The following SLC12A3 variants were observed in gnomAD, a reference collection of about 807,000 sequenced individuals.
SLC12A3 encodes the protein Na-Cl cotransporter.
SLC12A3 carries 104 observed loss-of-function variants against 121.0 expected under a neutral mutation model. The observed-to-expected ratio is 0.86, with a 90% CI of 0.73 to 1.01. The LOEUF (loss-of-function observed/expected upper bound fraction) is 1.01, where lower values mean the gene tolerates loss of function less well. Among genes scored for constraint, SLC12A3 ranks in the 50% least tolerant of loss-of-function variants. The pLI, the probability that SLC12A3 is intolerant of heterozygous loss-of-function variation, is 0.00. For missense variants in SLC12A3, 1,328 were observed against 1,356.3 expected (o/e 0.98, Z 0.33); for synonymous variants, 536 against 533.4 (o/e 1.00, Z -0.07).
chr16:56,902,766 G>GTCCTCC (rs113468906), intron 24 of SLC12A3, among the ~76,000 whole-genome samples: 2 of 143,448 alleles, frequency 1.4e-5, no homozygotes, highest in South Asian at 2.3e-4. Flanking sequence ...ACTGCCCGGA[G>GTCCTCC]TCCTCCTCCT....
chr16:56,913,925 T>C lies in SLC12A3; in HGVS notation c.*520T>C, dbSNP rs1337110026. On this transcript the variant is annotated 3_prime_UTR_variant, in exon 26 of 26. Coordinates refer to ENST00000563236, the MANE Select transcript of SLC12A3 (RefSeq NM_001126108.2). ...GGCAAATACATATATATATATTTTTTTTTTAGATGAAGTTTTTTCTCTTGT... is the reference window on the plus strand; with the variant it reads ...GGCAAATACATATATATATATTTTTCTTTTAGATGAAGTTTTTTCTCTTGT... 6.5e-6 allele frequency: 1 copy of C among 153,170 alleles called. No homozygotes were observed. The highest frequency in any genetic ancestry group is 6.5e-5 in the Admixed American group (1 of 15,406). The allele number at this position is 153,170 out of a possible 1,614,324, so 9.5% of individuals were successfully genotyped here.
At chr16:56,905,325 C>T (rs1267754494) in intron 25 of SLC12A3, among the ~76,000 whole-genome samples, 3 of 117,766 alleles carry the variant, frequency 2.5e-5, no homozygotes, top group South Asian at 5.1e-4. Context: ...GCAACAAGAG[C>T]GAAACTCCGT....
chr16:56,902,531 G>GGGGCCCCA, intron 24 of SLC12A3, 23 bp downstream of exon 24: 1 of 714,570 alleles, frequency 1.4e-6, no homozygotes, highest in Non-Finnish European at 2.4e-6. Flanking sequence ...GTGGGGGTGG[G>GGGGCCCCA]AAACGCGACA....
In SLC12A3 at chr16:56,899,497, G is replaced by A. The variant is rs13306687; in HGVS notation, c.2634-33G>A. 0.054 allele frequency: 82,752 copies of A among 1,541,998 alleles called. 3,280 individuals are homozygous for A. The highest frequency in any genetic ancestry group is 0.22 in the East Asian group (9,945 of 44,526). On this transcript the variant is annotated intron_variant, in intron 22 of 25. Coordinates refer to ENST00000563236, the MANE Select transcript of SLC12A3 (RefSeq NM_001126108.2). ...GAGCAAGACGCTGTCTCAAGAAAAA[G>A]TAATAACAATAAACCCTCCATGTGT...
At chr16:56,905,818 AG>A (rs1253976764) in intron 25 of SLC12A3, among the ~76,000 whole-genome samples, 2 of 152,196 alleles carry the variant, frequency 1.3e-5, no homozygotes, top group Non-Finnish European at 2.9e-5. Flanking sequence ...AACTGATCAT[AG>A]TTTGATCATT....
chr16:56,885,431 C>A, intron 15 of SLC12A3, 67 bp downstream of exon 15: 3 of 1,041,336 alleles, frequency 2.9e-6, no homozygotes, highest in Non-Finnish European at 2.9e-6. Flanking sequence ...TGGGAGTTTC[C>A]AAGCCTAGAC....
At chr16:56,877,582 G>A (rs1008657657) in intron 8 of SLC12A3, among the ~76,000 whole-genome samples, 1 of 152,138 alleles carries the variant, frequency 6.6e-6, no homozygotes, top group Admixed American at 6.5e-5. Context: ...GGGAGTCCTG[G>A]TCTAGGATGT....
Position 56,913,811 on chromosome 16 carries a change from G to T in SLC12A3, c.*406G>T, listed in dbSNP as rs2055718438. On this transcript the variant is annotated 3_prime_UTR_variant, in exon 26 of 26. Transcript: ENST00000563236. ...GGTGAAAGTTCCTAAATCATGCCCTGCTTCCTCCAATAGGAGAATGGGAGC... is the reference window on the plus strand; with the variant it reads ...GGTGAAAGTTCCTAAATCATGCCCTTCTTCCTCCAATAGGAGAATGGGAGC... 2 of 311,928 alleles carry T rather than the reference G, an allele frequency of 6.4e-6. No homozygotes were observed. Among genetic ancestry groups the T allele is most frequent in the Non-Finnish European group, 1.2e-5 (2 of 161,170 alleles). The allele number at this position is 311,928 out of a possible 1,614,324, so 19.3% of individuals were successfully genotyped here. A position where few individuals can be genotyped will look rare whatever the true frequency, so the allele number is the denominator to read the frequency against.
intron 7 of SLC12A3, 28 bp from the exon 8 acceptor site, chr16:56,872,628 C>T: frequency 6.2e-7 from 1 of 1,614,166 alleles, no homozygotes; most frequent in Non-Finnish European, 8.5e-7. Context: ...TCCAGGTGAG[C>T]CTTACTCATC....
chr16:56,880,826 A>G lies in SLC12A3; in HGVS notation c.1567+573A>G, dbSNP rs559966167. On this transcript the variant is annotated intron_variant, in intron 12 of 25. Transcript: ENST00000563236. ...GGCTTTGCCATGTGCCAGCTGTGTG[A>G]CCTTAGACAAGGTACTTCACCTCTC... is the stretch of plus-strand genomic sequence containing the variant. 5.3e-5 allele frequency among the ~76,000 whole-genome samples: 8 copies of G among 152,260 alleles called. No individual in the cohort carries two copies. The South Asian group carries it at 1.7e-3, about 32-fold the overall frequency.
chr16:56,898,203 G>A (rs542067630), intron 22 of SLC12A3, among the ~76,000 whole-genome samples: 1 of 152,328 alleles, frequency 6.6e-6, no homozygotes, highest in South Asian at 2.1e-4. Flanking sequence ...TGATGGGCAA[G>A]GGGTTGGGGG....
At position 56,882,461 on chromosome 16, in the gene SLC12A3, T is replaced by C. The variant is rs2055254168; in HGVS notation, c.1633T>C (p.Phe545Leu). 31 of 1,614,032 alleles carry C rather than the reference T, an allele frequency of 1.9e-5. No individual in the cohort carries two copies. Among genetic ancestry groups the C allele is most frequent in the Non-Finnish European group, 2.6e-5 (31 of 1,179,988 alleles). ...FFLCSYALINFSCFHASITNS... is the reference protein window; with the variant it reads ...FFLCSYALINLSCFHASITNS... The stretch of plus-strand genomic sequence containing the variant: ...CCTCTGCTCCTATGCCCTCATCAAC[T>C]TCAGCTGCTTCCACGCCTCCATCAC... Residue 545 changes from phenylalanine (F) to leucine (L), a missense_variant, in exon 13 of 26, where the codon TTC (phenylalanine) becomes CTC (leucine). By Grantham distance (22) the Phe-to-Leu change is conservative. Coordinates refer to ENST00000563236, the MANE Select transcript of SLC12A3 (RefSeq NM_001126108.2).
intron 24 of SLC12A3, among the ~76,000 whole-genome samples, chr16:56,903,857 C>T (rs954041649): frequency 6.6e-6 from 1 of 152,200 alleles, no homozygotes; most frequent in Non-Finnish European, 1.5e-5. Context: ...CTGAATAAAA[C>T]ATTGTGTCCG....
In SLC12A3 at chr16:56,909,888, T is replaced by C. The variant is rs536031995; in HGVS notation, c.2925-3376T>C. ...TGCTTGGAGCATTTTCTAGAGCCGGTTTGAGGCAGCACTTGATTGATTGCT... is the reference window on the plus strand; with the variant it reads ...TGCTTGGAGCATTTTCTAGAGCCGGCTTGAGGCAGCACTTGATTGATTGCT... On this transcript the variant is annotated intron_variant, in intron 25 of 25. Coordinates refer to ENST00000563236, the MANE Select transcript of SLC12A3 (RefSeq NM_001126108.2). Among the ~76,000 whole-genome samples, 9 of 152,302 alleles carry C rather than the reference T, an allele frequency of 5.9e-5. No individual in the cohort carries two copies. In the South Asian group the frequency reaches 1.5e-3, roughly 25 times the overall value.
At position 56,892,116 on chromosome 16, in the gene SLC12A3, A is replaced by C. The variant is rs752583171; in HGVS notation, c.2402A>C (p.Lys801Thr). 1 of 1,613,922 alleles carries C rather than the reference A, an allele frequency of 6.2e-7. No individual in the cohort carries two copies. The highest frequency in any genetic ancestry group is 1.1e-5 in the South Asian group (1 of 91,070). Residue 801 changes from lysine to threonine, a missense_variant, in exon 20 of 26, where the codon AAG becomes ACG. Lys to Thr is a moderately conservative substitution (Grantham distance 78). Coordinates refer to ENST00000563236, the MANE Select transcript of SLC12A3 (RefSeq NM_001126108.2). ...GTGTTTGACCCAGCGGAGGACGGGA[A>C]GGAAGCCAGCGCCAGAGGTGCCAGG... ...NPVFDPAEDG[K>T]EASARVDPKA... is the part of the protein sequence containing the mutation.
At position 56,865,432 on chromosome 16, in the gene SLC12A3, C is replaced by A; in HGVS notation, c.197C>A (p.Thr66Lys). The A allele has an allele frequency of 6.2e-7, 1 of 1,614,208 alleles. No individual in the cohort carries two copies. The highest frequency in any genetic ancestry group is 8.5e-7 in the Non-Finnish European group (1 of 1,180,044). The change falls in exon 1 of 26, where the codon ACA becomes AAA. Residue 66 changes from threonine to lysine, a missense_variant. Coordinates refer to ENST00000563236, the MANE Select transcript of SLC12A3 (RefSeq NM_001126108.2). ...FGYNTIDVVP[T>K]YEHYANSTQP... ...TACAACACGATCGATGTGGTGCCCA[C>A]ATATGAGCACTATGCCAACAGCACC...
At chr16:56,883,022 T>A (rs2055261581) in intron 13 of SLC12A3, among the ~76,000 whole-genome samples, 1 of 152,062 alleles carries the variant, frequency 6.6e-6, no homozygotes, top group Non-Finnish European at 1.5e-5. Flanking sequence ...TTTACATGGA[T>A]TCATACATTG....
In SLC12A3 at chr16:56,872,739, T is replaced by A. The variant is rs2055115584; in HGVS notation, c.1048T>A (p.Ser350Thr). The stretch of plus-strand genomic sequence containing the variant: ...CGGAATGTTCTCCATCTTCTTCCCC[T>A]CGGCCACAGGCATCCTGGCAGGGGC... ...FFGMFSIFFP[S>T]ATGILAGANI... The change falls in exon 8 of 26, where the codon TCG (serine) becomes ACG (threonine). Residue 350 changes from serine (S) to threonine (T), a missense_variant. Coordinates refer to ENST00000563236, the MANE Select transcript of SLC12A3 (RefSeq NM_001126108.2). The A allele has an allele frequency of 1.2e-6, 2 of 1,614,236 alleles. No individual in the cohort carries two copies. Among genetic ancestry groups the A allele is most frequent in the South Asian group, 1.1e-5 (1 of 91,092 alleles).
chr16:56,910,903 G>A (rs1432396917), intron 25 of SLC12A3, among the ~76,000 whole-genome samples: 7 of 152,186 alleles, frequency 4.6e-5, no homozygotes, highest in Middle Eastern at 6.3e-3. Flanking sequence ...GTAGCTCAAG[G>A]CATGCACATC....
Sources: allele counts gnomAD v4.1 joint callset (sites outside exome capture counted in the v4.1 genomes callset), GRCh38; gene constraint gnomAD v4.1.1; transcripts MANE v1.5; gene names NCBI Gene and HGNC (gene_info 2026-07-23, HGNC 2026-07-21).